CCDC13: variants seen among roughly 807,000 people sequenced by gnomAD.
CCDC13 encodes coiled-coil domain-containing protein 13.
In CCDC13, 70 loss-of-function variants were observed where a neutral mutation model predicts 87.3. The ratio of observed to expected loss-of-function variants is 0.80; its 90% CI spans 0.66 to 0.98. The LOEUF (loss-of-function observed/expected upper bound fraction) is 0.98. CCDC13 is among the 50% of genes least tolerant of loss of function. The pLI is 0.00. For synonymous variants in CCDC13, 317 were observed against 360.3 expected (o/e 0.88, Z 1.36); for missense variants, 842 against 892.0 (o/e 0.94, Z 0.71).
intron 1 of CCDC13, among the ~76,000 whole-genome samples, chr3:42,772,527 TTTC>T (rs1259545096): frequency 1.7e-4 from 26 of 152,192 alleles, no homozygotes; most frequent in Non-Finnish European, 3.1e-4. Context: ...TCTCCTTCTC[TTTC>T]TTCTTTTCTT....
intron 3 of CCDC13, among the ~76,000 whole-genome samples, chr3:42,753,137 G>T (rs1382608129): frequency 6.6e-6 from 1 of 152,198 alleles, no homozygotes; most frequent in African/African-American, 2.4e-5. Context: ...CCAATAGCAT[G>T]TTAACAGATA....
At chr3:42,743,587 T>TATATATATATATATATATATA (rs1699292672) in intron 7 of CCDC13, among the ~76,000 whole-genome samples, 1 of 97,694 alleles carries the variant, frequency 1.0e-5, no homozygotes, top group Non-Finnish European at 1.9e-5. Flanking sequence ...CTGGATAATT[T>TATATATATATATATATATATA]TATATATATA....
intron 5 of CCDC13, among the ~76,000 whole-genome samples, chr3:42,748,570 A>AT (rs1323576631): frequency 1.3e-5 from 2 of 152,194 alleles, no homozygotes; most frequent in Non-Finnish European, 2.9e-5. Flanking sequence ...TGAAAGACAG[A>AT]TCCAAGTATA....
At chr3:42,750,400 T>C (rs1575321676) in intron 5 of CCDC13, among the ~76,000 whole-genome samples, 1 of 152,232 alleles carries the variant, frequency 6.6e-6, no homozygotes, top group South Asian at 2.1e-4. Context: ...TGCCTTCGAA[T>C]GACTTCTCAT....
At chr3:42,732,044 CAG>C (rs1232155174) in intron 12 of CCDC13, among the ~76,000 whole-genome samples, 1 of 152,198 alleles carries the variant, frequency 6.6e-6, no homozygotes, top group Non-Finnish European at 1.5e-5. Flanking sequence ...ACTAAAACCT[CAG>C]AGAGGCAGAG....
chr3:42,771,133 A>C (rs1700083866), intron 1 of CCDC13: 3 of 152,248 alleles, frequency 2.0e-5, no homozygotes, highest in Non-Finnish European at 1.5e-5. Context: ...TGATGAAAAG[A>C]AATGAGCTAT....
chr3:42,721,762 G>T (rs1429552056), intron 13 of CCDC13, among the ~76,000 whole-genome samples: 1 of 152,186 alleles, frequency 6.6e-6, no homozygotes, highest in Non-Finnish European at 1.5e-5. Flanking sequence ...CCAAAACTTT[G>T]ACTTGAATGG....
Position 42,708,976 on chromosome 3 carries a change from C to T in CCDC13, c.*4G>A. ...CCCGGCCAGGCCGACACTGGGCTGT[C>T]ATCCTATTGCTTGCCTGTCTTCTGC... On this transcript the variant is annotated 3_prime_UTR_variant, in exon 16 of 16. Transcript: ENST00000310232. 1.2e-6 allele frequency: 2 copies of T among 1,609,038 alleles called. No individual in the cohort carries two copies. The highest frequency in any genetic ancestry group is 2.2e-5 in the East Asian group (1 of 44,764).
chr3:42,739,853 G>A lies in CCDC13; in HGVS notation c.988-43C>T, dbSNP rs367551370. 4 of 1,583,206 alleles carry A rather than the reference G, an allele frequency of 2.5e-6. No homozygotes were observed. In the African/African-American group the frequency reaches 4.0e-5, roughly 16 times the overall value. On this transcript the variant is annotated intron_variant, in intron 8 of 15. Transcript: ENST00000310232. ...GGGCATGGGCAGCAGGGCTGTGTGGGACCTTGGCCACATCTGCTCCCTGGC... is the reference window on the plus strand; with the variant it reads ...GGGCATGGGCAGCAGGGCTGTGTGGAACCTTGGCCACATCTGCTCCCTGGC...
At chr3:42,759,138 T>C (rs1481787360) in intron 1 of CCDC13, among the ~76,000 whole-genome samples, 1 of 152,120 alleles carries the variant, frequency 6.6e-6, no homozygotes, top group African/African-American at 2.4e-5. Context: ...CTGTATAACA[T>C]GGCAAAACCC....
At chr3:42,762,288 A>T (rs997296997) in intron 1 of CCDC13, among the ~76,000 whole-genome samples, 1 of 152,114 alleles carries the variant, frequency 6.6e-6, no homozygotes, top group African/African-American at 2.4e-5. Context: ...AACTCTGAAA[A>T]CCTGTATTGT....
Position 42,733,603 on chromosome 3 carries a change from G to C in CCDC13, c.1378C>G (p.Arg460Gly). 6.2e-7 allele frequency: 1 copy of C among 1,606,298 alleles called. No individual in the cohort carries two copies. The highest frequency in any genetic ancestry group is 1.1e-5 in the South Asian group (1 of 90,338). The change falls in exon 11 of 16, where the codon CGG (arginine) becomes GGG (glycine). Residue 460 changes from arginine (R) to glycine (G), a missense_variant. Arg to Gly is a moderately radical substitution (Grantham distance 125). Transcript: ENST00000310232. ...EIGQLNVHYL[R>G]NKGVGEGSSG... ...GACCCCTCACCCACTCCTTTATTCC[G>C]AAGATACTGTAGGAACAGATGTGGG...
intron 13 of CCDC13, among the ~76,000 whole-genome samples, chr3:42,723,148 G>A (rs1016245341): frequency 6.6e-6 from 1 of 152,066 alleles, no homozygotes. Context: ...TGTGGACTCC[G>A]CCTGAATTCT....
Position 42,733,487 on chromosome 3 carries a change from G to T in CCDC13, c.1494C>A (p.Gly498=), listed in dbSNP as rs1698896500. 6.2e-7 allele frequency: 1 copy of T among 1,613,952 alleles called. No homozygotes were observed. Among genetic ancestry groups the T allele is most frequent in the Admixed American group, 1.7e-5 (1 of 59,986 alleles). ...TTTCTTACCGAGAAGATCCAAGCCT[G>T]CCAACATGATCGCCTGCTGAGGCCG... The part of the protein sequence containing the change: ...KSPASAGDHV[G]RLGSSRSVTS... Residue 498 remains glycine, a synonymous_variant, in exon 11 of 16, where the codon GGC becomes GGA. Coordinates refer to ENST00000310232, the MANE Select transcript of CCDC13 (RefSeq NM_144719.4).
chr3:42,708,793 GC>G lies in CCDC13; in HGVS notation c.*186del. On this transcript the variant is annotated 3_prime_UTR_variant, in exon 16 of 16. Coordinates refer to ENST00000310232, the MANE Select transcript of CCDC13 (RefSeq NM_144719.4). Reference sequence around the variant, plus strand: ...GGGTCTCCTGCAGTGTCCCACCAGGGCTTCTCTTCTGCCTTCCTGGCCTGAG... The same window carrying G: ...GGGTCTCCTGCAGTGTCCCACCAGGGTTCTCTTCTGCCTTCCTGGCCTGAG... The G allele has an allele frequency of 1.7e-6, 1 of 572,970 alleles. No individual in the cohort carries two copies. The highest frequency in any genetic ancestry group is 2.8e-5 in the South Asian group (1 of 35,522). 35.5% of individuals were successfully genotyped at this position (572,970 alleles called of 1,614,324 possible). A position where few individuals can be genotyped will look rare whatever the true frequency, so the allele number is the denominator to read the frequency against.
intron 15 of CCDC13, 38 bp downstream of exon 15, chr3:42,709,646 C>T (rs372548466): frequency 7.6e-5 from 118 of 1,552,290 alleles, no homozygotes; most frequent in Admixed American, 4.7e-4. Context: ...TCTGCTCAGA[C>T]AACCCTACCC....
chr3:42,737,251 T>C (rs1329901630), intron 9 of CCDC13, among the ~76,000 whole-genome samples: 1 of 152,216 alleles, frequency 6.6e-6, no homozygotes, highest in Non-Finnish European at 1.5e-5. Context: ...ACTCATCCTT[T>C]TTTATGGCTG....
At chr3:42,758,810 T>A (rs1440606089) in intron 1 of CCDC13, among the ~76,000 whole-genome samples, 1 of 152,204 alleles carries the variant, frequency 6.6e-6, no homozygotes, top group Non-Finnish European at 1.5e-5. Flanking sequence ...ACATAAATCC[T>A]GACCATACGG....
intron 1 of CCDC13, chr3:42,771,223 A>G (rs931422228): frequency 3.3e-5 from 5 of 152,268 alleles, no homozygotes; most frequent in Admixed American, 6.5e-5. Flanking sequence ...TACATGCTGT[A>G]TAATTGCAAA....
Sources: allele counts gnomAD v4.1 joint callset (sites outside exome capture counted in the v4.1 genomes callset), GRCh38; gene constraint gnomAD v4.1.1; transcripts MANE v1.5; gene names NCBI Gene and HGNC (gene_info 2026-07-23, HGNC 2026-07-21).